The following CACNA1A variants were observed in gnomAD, a reference collection of about 807,000 sequenced individuals.
The protein encoded by CACNA1A is calcium voltage-gated channel subunit alpha1 A.
Under a neutral mutation model 262.4 loss-of-function variants are expected in CACNA1A, and 57 were observed. That is an observed-to-expected ratio of 0.22 (90% CI 0.18 to 0.27). The LOEUF is 0.27. CACNA1A is among the 10% of genes least tolerant of loss of function. The pLI, the probability that CACNA1A is intolerant of heterozygous loss-of-function variation, is 1.00. For missense variants in CACNA1A, 2,526 were observed against 3,562.8 expected, an observed-to-expected ratio of 0.71 and a Z score of 7.41; for synonymous variants, 1,431 against 1,419.3, an observed-to-expected ratio of 1.01 and a Z score of -0.18.
At chr19:13,267,925 C>G (rs1254506379) in intron 24 of CACNA1A, among the ~76,000 whole-genome samples, 1 of 151,896 alleles carries the variant, frequency 6.6e-6, no homozygotes, top group African/African-American at 2.4e-5. Context: ...GAAATACAGG[C>G]AAATTTTTCC....
At chr19:13,377,772 G>A (rs1276693539) in intron 3 of CACNA1A, among the ~76,000 whole-genome samples, 1 of 152,096 alleles carries the variant, frequency 6.6e-6, no homozygotes, top group East Asian at 1.9e-4. Flanking sequence ...AAATTCCTTT[G>A]ATGCATCTGG....
At chr19:13,413,146 G>C (rs529924128) in intron 3 of CACNA1A, among the ~76,000 whole-genome samples, 22 of 148,348 alleles carry the variant, frequency 1.5e-4, no homozygotes, top group African/African-American at 2.2e-4. Flanking sequence ...GCGCTCTGTC[G>C]CCCAGGCTGG....
chr19:13,220,872 T>G (rs1452520348), intron 38 of CACNA1A, among the ~76,000 whole-genome samples: 3 of 152,110 alleles, frequency 2.0e-5, no homozygotes, highest in African/African-American at 7.2e-5. Context: ...GTGATCCTCC[T>G]GCCTTGGCTT....
Position 13,227,412 on chromosome 19 carries a change from G to A in CACNA1A, c.5625+19C>T, listed in dbSNP as rs780814648. On this transcript the variant is annotated intron_variant, in intron 37 of 46. Transcript: ENST00000360228. Reference sequence around the variant, plus strand: ...AAAACCCAGTGCCTGGACGTCGGTGGTCGGCAAGGGTAGTCTACCTTGTAA... The same window carrying A: ...AAAACCCAGTGCCTGGACGTCGGTGATCGGCAAGGGTAGTCTACCTTGTAA... 1.4e-6 allele frequency: 2 copies of A among 1,437,540 alleles called. No individual in the cohort carries two copies. Among genetic ancestry groups the A allele is most frequent in the Non-Finnish European group, 9.5e-7 (1 of 1,047,198 alleles). 89.0% of individuals were successfully genotyped at this position (1,437,540 alleles called of 1,614,324 possible).
rs1054249036 is a variant in CACNA1A, at chr19:13,277,054, A to C, written c.3882+15T>G. On this transcript the variant is annotated intron_variant, in intron 23 of 46. Coordinates refer to ENST00000360228, the MANE Select transcript of CACNA1A (RefSeq NM_001127222.2). ...AAAAAATTACCGTGTGTTCTCACTT[A>C]TAATCTGCACTCACCTTGATCACCA... 1.3e-6 allele frequency: 2 copies of C among 1,594,174 alleles called. No homozygotes were observed. The highest frequency in any genetic ancestry group is 1.7e-6 in the Non-Finnish European group (2 of 1,162,380).
chr19:13,281,305 G>A (rs1306029532), intron 22 of CACNA1A, among the ~76,000 whole-genome samples: 1 of 150,232 alleles, frequency 6.7e-6, no homozygotes, highest in Non-Finnish European at 1.5e-5. Flanking sequence ...TTGAGCCCGG[G>A]ACGTTGAGGC....
intron 30 of CACNA1A, 163 bp from the exon 31 acceptor site, chr19:13,245,428 G>C: frequency 1.6e-6 from 1 of 631,244 alleles, no homozygotes. Flanking sequence ...GACATCATCT[G>C]TGCTGAGTCT....
chr19:13,281,466 G>A (rs547447709), intron 22 of CACNA1A, among the ~76,000 whole-genome samples: 3 of 151,844 alleles, frequency 2.0e-5, no homozygotes, highest in Admixed American at 6.6e-5. Flanking sequence ...CGTGGTTACC[G>A]GTAAGGCAGG....
At position 13,494,300 on chromosome 19, in the gene CACNA1A, G is replaced by A. The variant is rs73922604; in HGVS notation, c.293+11632C>T. On this transcript the variant is annotated intron_variant, in intron 1 of 46. Coordinates refer to ENST00000360228, the MANE Select transcript of CACNA1A (RefSeq NM_001127222.2). ...ATATTTTATATTCTTTTTTGTACAT[G>A]AGATGTTCAGTAAATGAAAAGGATA... 4.3e-3 allele frequency among the ~76,000 whole-genome samples: 648 copies of A among 152,272 alleles called. 3 individuals are homozygous for A. Among genetic ancestry groups the A allele is most frequent in the African/African-American group, 0.015 (616 of 41,554 alleles).
At chr19:13,360,038 T>C (rs1335027895) in intron 5 of CACNA1A, among the ~76,000 whole-genome samples, 1 of 151,642 alleles carries the variant, frequency 6.6e-6, no homozygotes, top group East Asian at 1.9e-4. Context: ...TTTTTTTTTT[T>C]CTATTCTTTT....
chr19:13,310,515 T>TAG lies in CACNA1A; in HGVS notation c.1669-1989_1669-1988dup, dbSNP rs148544563. Among the ~76,000 whole-genome samples the TAG allele has an allele frequency of 2.7e-4, 19 of 69,392 alleles. 1 individual carries two copies. The highest frequency in any genetic ancestry group is 1.0e-3 in the Admixed American group (5 of 4,858). 45.5% of individuals were successfully genotyped at this position (69,392 alleles called of 152,430 possible). On this transcript the variant is annotated intron_variant, in intron 12 of 46. Coordinates refer to ENST00000360228, the MANE Select transcript of CACNA1A (RefSeq NM_001127222.2). ...ATATATATATATATATATATATATG[T>TAG]AGAGAGAGAGAGAGAGTTTAATTTT...
intron 18 of CACNA1A, among the ~76,000 whole-genome samples, chr19:13,299,801 G>T (rs550016120): frequency 6.6e-6 from 1 of 152,100 alleles, no homozygotes; most frequent in South Asian, 2.1e-4. Flanking sequence ...TAGGTGAGCA[G>T]TCCCCAACCT....
chr19:13,476,813 C>T (rs1301296773), intron 1 of CACNA1A, among the ~76,000 whole-genome samples: 1 of 152,156 alleles, frequency 6.6e-6, no homozygotes, highest in African/African-American at 2.4e-5. Context: ...GTTCCACCCC[C>T]ACTATTACCT....
intron 4 of CACNA1A, 56 bp from the exon 5 acceptor site, chr19:13,365,525 C>T (rs996676635): frequency 1.8e-5 from 28 of 1,526,524 alleles, no homozygotes; most frequent in African/African-American, 9.7e-5. Flanking sequence ...CCCCAAACCC[C>T]GCCACCAAGA....
In CACNA1A at chr19:13,505,843, C is replaced by A. The variant is rs1349816287; in HGVS notation, c.293+89G>T. On this transcript the variant is annotated intron_variant, in intron 1 of 46. Transcript: ENST00000360228. The stretch of plus-strand genomic sequence containing the variant: ...CCCCCTCCTCCCCACCTCCCATCAA[C>A]CCCCGGGTCTCTCTCCCAGCCTGGA... 2.0e-5 allele frequency: 27 copies of A among 1,382,532 alleles called. No individual in the cohort carries two copies. In the South Asian group the frequency reaches 2.8e-4, roughly 14 times the overall value. The allele number at this position is 1,382,532 out of a possible 1,614,324, so 85.6% of individuals were successfully genotyped here. A position where few individuals can be genotyped will look rare whatever the true frequency, so the allele number is the denominator to read the frequency against.
intron 3 of CACNA1A, among the ~76,000 whole-genome samples, chr19:13,384,461 GC>G (rs2059574418): frequency 6.6e-6 from 1 of 152,176 alleles, no homozygotes; most frequent in African/African-American, 2.4e-5. Context: ...ACTTTGAAAG[GC>G]CGAGGCAGGT....
intron 6 of CACNA1A, among the ~76,000 whole-genome samples, chr19:13,346,635 TATATATATATATATATATATATATATATA>T (rs1568557077): frequency 0.026 from 117 of 4,508 alleles, no homozygotes; most frequent in Non-Finnish European, 0.032. Flanking sequence ...TATATATATA[TATATATATATATATATATATATATATATA>T]TATTTTTTTT....
chr19:13,390,911 G>C (rs1202220285), intron 3 of CACNA1A, among the ~76,000 whole-genome samples: 1 of 151,302 alleles, frequency 6.6e-6, no homozygotes, highest in Non-Finnish European at 1.5e-5. Context: ...TTTTTTGGAC[G>C]GAGTCTTGCT....
intron 3 of CACNA1A, among the ~76,000 whole-genome samples, chr19:13,380,556 G>A (rs1224258334): frequency 7.3e-6 from 1 of 136,324 alleles, no homozygotes; most frequent in Non-Finnish European, 1.5e-5. Flanking sequence ...AGAGGCAGGC[G>A]AACTGCTTGA....
Sources: allele counts gnomAD v4.1 joint callset (sites outside exome capture counted in the v4.1 genomes callset), GRCh38; gene constraint gnomAD v4.1.1; transcripts MANE v1.5; gene names NCBI Gene and HGNC (gene_info 2026-07-23, HGNC 2026-07-21).